Variants in PPP1R1C observed in about 807,000 individuals in gnomAD.
PPP1R1C encodes protein phosphatase 1 regulatory subunit 1C.
PPP1R1C carries 15 observed loss-of-function variants against 17.4 expected under a neutral mutation model. The observed-to-expected ratio is 0.86, with a 90% CI of 0.58 to 1.33. The LOEUF (loss-of-function observed/expected upper bound fraction) is 1.33. Among genes scored for constraint, PPP1R1C ranks in the 40% most tolerant of loss-of-function variants. The pLI is 0.00. For missense variants in PPP1R1C, 143 were observed against 130.0 expected, an observed-to-expected ratio of 1.10 and a Z score of -0.48; for synonymous variants, 35 against 43.1, an observed-to-expected ratio of 0.81 and a Z score of 0.73.
intron 2 of PPP1R1C, among the ~76,000 whole-genome samples, chr2:182,012,338 C>T (rs1174635227): frequency 1.3e-5 from 2 of 151,818 alleles, no homozygotes; most frequent in African/African-American, 2.4e-5. Context: ...CTAAACTGAC[C>T]CCTTCATCAT....
At chr2:181,999,387 C>A (rs1394986035) in intron 2 of PPP1R1C, among the ~76,000 whole-genome samples, 1 of 152,116 alleles carries the variant, frequency 6.6e-6, no homozygotes, top group Non-Finnish European at 1.5e-5. Context: ...CTCCATTTTA[C>A]AGAGAGAGGG....
At chr2:181,990,009 C>T (rs1685412130) in intron 2 of PPP1R1C, among the ~76,000 whole-genome samples, 1 of 151,984 alleles carries the variant, frequency 6.6e-6, no homozygotes, top group Non-Finnish European at 1.5e-5. Flanking sequence ...GGAAATAACT[C>T]TAAAGATAAA....
intron 4 of PPP1R1C, among the ~76,000 whole-genome samples, chr2:182,109,915 A>G (rs541280674): frequency 6.6e-5 from 10 of 152,278 alleles, no homozygotes; most frequent in African/African-American, 2.4e-4. Flanking sequence ...TGCTCCATAA[A>G]AAGCATATCA....
At chr2:182,077,992 C>A (rs556320047) in intron 4 of PPP1R1C, among the ~76,000 whole-genome samples, 10 of 152,138 alleles carry the variant, frequency 6.6e-5, no homozygotes, top group Non-Finnish European at 8.8e-5. Flanking sequence ...GTCTGGCTAA[C>A]ATGGTAAAAC....
At chr2:182,076,999 T>A (rs1262680186) in intron 4 of PPP1R1C, among the ~76,000 whole-genome samples, 5 of 152,206 alleles carry the variant, frequency 3.3e-5, no homozygotes, top group African/African-American at 1.2e-4. Flanking sequence ...GTAGGCAGTG[T>A]CATTTGATTA....
chr2:182,063,676 G>T, intron 3 of PPP1R1C, 55 bp from the exon 4 acceptor site: 1 of 1,332,514 alleles, frequency 7.5e-7, no homozygotes, highest in South Asian at 1.2e-5. Flanking sequence ...AGGTCTGATG[G>T]CATCGTACTT....
chr2:182,053,109 C>T (rs1687574898), intron 2 of PPP1R1C, among the ~76,000 whole-genome samples: 1 of 152,186 alleles, frequency 6.6e-6, no homozygotes, highest in Admixed American at 6.5e-5. Context: ...TTGATAATTT[C>T]ATCCGTTCAA....
intron 4 of PPP1R1C, among the ~76,000 whole-genome samples, chr2:182,081,750 A>C (rs1019650284): frequency 2.0e-5 from 3 of 152,214 alleles, no homozygotes; most frequent in Admixed American, 1.3e-4. Context: ...ACTATGTCTA[A>C]TGTGTGCGGT....
intron 5 of PPP1R1C, among the ~76,000 whole-genome samples, chr2:182,126,679 TAA>T (rs1487880001): frequency 6.6e-6 from 1 of 152,012 alleles, no homozygotes; most frequent in African/African-American, 2.4e-5. Context: ...TGACATTTTG[TAA>T]AGAGACTACC....
chr2:182,073,866 G>C (rs1169207608), intron 4 of PPP1R1C, among the ~76,000 whole-genome samples: 1 of 152,128 alleles, frequency 6.6e-6, no homozygotes, highest in African/African-American at 2.4e-5. Context: ...AACAGATGCA[G>C]GGGACTTGTC....
chr2:182,018,066 A>G (rs1430801040), intron 2 of PPP1R1C, among the ~76,000 whole-genome samples: 1 of 151,792 alleles, frequency 6.6e-6, no homozygotes, highest in East Asian at 1.9e-4. Context: ...TTTCCTTCAA[A>G]TTTTATATTT....
At chr2:182,033,737 A>C (rs577490906) in intron 2 of PPP1R1C, among the ~76,000 whole-genome samples, 1 of 152,266 alleles carries the variant, frequency 6.6e-6, no homozygotes, top group Non-Finnish European at 1.5e-5. Context: ...TCCTCTATTT[A>C]TGAAGCCCTT....
intron 4 of PPP1R1C, among the ~76,000 whole-genome samples, chr2:182,114,516 G>C (rs1016475373): frequency 6.6e-6 from 1 of 152,114 alleles, no homozygotes; most frequent in African/African-American, 2.4e-5. Flanking sequence ...TTTAATCTCA[G>C]CATTATTGCA....
intron 2 of PPP1R1C, among the ~76,000 whole-genome samples, chr2:182,010,196 T>C (rs1301672964): frequency 1.3e-5 from 2 of 152,066 alleles, no homozygotes; most frequent in Admixed American, 1.3e-4. Flanking sequence ...ACATTGAATT[T>C]CTAGACTGTT....
intron 4 of PPP1R1C, among the ~76,000 whole-genome samples, chr2:182,079,364 C>A (rs978504016): frequency 3.9e-5 from 6 of 152,122 alleles, no homozygotes; most frequent in African/African-American, 1.4e-4. Flanking sequence ...GTATTCTGAA[C>A]AACAGTTTGC....
At chr2:182,014,457 G>A (rs561542770) in intron 2 of PPP1R1C, among the ~76,000 whole-genome samples, 354 of 151,140 alleles carry the variant, frequency 2.3e-3, no homozygotes, top group South Asian at 4.8e-3. Flanking sequence ...TGCAGGCGTC[G>A]TGTGGCCACC....
chr2:182,072,383 AG>A (rs1387589648), intron 4 of PPP1R1C, among the ~76,000 whole-genome samples: 2 of 152,258 alleles, frequency 1.3e-5, no homozygotes, highest in Non-Finnish European at 2.9e-5. Flanking sequence ...ATTTTAAAAA[AG>A]ATGTTTATAA....
downstream of PPP1R1C, among the ~76,000 whole-genome samples, chr2:182,118,700 C>T (rs971630598): frequency 6.6e-6 from 1 of 151,986 alleles, no homozygotes; most frequent in Non-Finnish European, 1.5e-5. Context: ...TAGTATTTTT[C>T]CCCAAGAAAA....
At chr2:182,032,501 A>C (rs114392427) in intron 2 of PPP1R1C, among the ~76,000 whole-genome samples, 2,833 of 152,222 alleles carry the variant, frequency 0.019, 76 homozygotes, top group African/African-American at 0.065. Flanking sequence ...GTTTTTGTTC[A>C]CTGGTATATT....
Sources: allele counts gnomAD v4.1 joint callset (sites outside exome capture counted in the v4.1 genomes callset), GRCh38; gene constraint gnomAD v4.1.1; transcripts MANE v1.5; gene names NCBI Gene and HGNC (gene_info 2026-07-23, HGNC 2026-07-21).